The following PRKCZ variants were observed in gnomAD, a reference collection of about 807,000 sequenced individuals.
PRKCZ encodes the protein protein kinase C zeta type.
Under a neutral mutation model 79.5 loss-of-function variants are expected in PRKCZ, and 33 were observed. The ratio of observed to expected loss-of-function variants is 0.41; its 90% confidence interval spans 0.31 to 0.55. The LOEUF (loss-of-function observed/expected upper bound fraction) is 0.55, where lower values mean the gene tolerates loss of function less well. PRKCZ is among the 20% of genes least tolerant of loss of function. The pLI is 0.19. For synonymous variants in PRKCZ, 342 were observed against 320.9 expected, an observed-to-expected ratio of 1.07 and a Z score of -0.70; for missense variants, 578 against 813.5, an observed-to-expected ratio of 0.71 and a Z score of 3.52.
chr1:2,104,721 ATCGC>A (rs1398575726), intron 4 of PRKCZ: 1 of 985,648 alleles, frequency 1.0e-6, no homozygotes, highest in Non-Finnish European at 1.2e-6. Context: ...TGGTCAGAAC[ATCGC>A]TCGGTGCCAG....
chr1:2,094,299 C>T lies in PRKCZ; in HGVS notation c.334+34708C>T, dbSNP rs1416462737. Among the ~76,000 whole-genome samples the T allele has an allele frequency of 1.3e-5, 2 of 152,224 alleles. No individual in the cohort carries two copies. Among genetic ancestry groups the T allele is most frequent in the African/African-American group, 4.8e-5 (2 of 41,438 alleles). ...CTCCCGGCCTGAACTCTTCTCCTAC[C>T]ATGATGGTGCCTGGGATGCTGTGTG... On this transcript the variant is annotated intron_variant, in intron 4 of 17. Transcript: ENST00000378567. The surrounding 1 kb of genome is among the most constrained non-coding windows in gnomAD (Gnocchi z 7.3).
chr1:2,109,346 A>G (rs6674878), intron 4 of PRKCZ, among the ~76,000 whole-genome samples: 122,690 of 151,898 alleles, frequency 0.81, 50,931 homozygotes, highest in Admixed American at 0.89. Flanking sequence ...GTCGGGGGGC[A>G]CCTGGGAGCC....
chr1:2,102,880 C>T (rs561403226), intron 4 of PRKCZ, among the ~76,000 whole-genome samples: 10 of 151,984 alleles, frequency 6.6e-5, no homozygotes, highest in Non-Finnish European at 1.0e-4. Flanking sequence ...CCCCTCCCCC[C>T]GTCTGTCTCT....
intron 4 of PRKCZ, chr1:2,074,322 C>T (rs754233069): frequency 2.1e-4 from 332 of 1,548,074 alleles, no homozygotes; most frequent in Middle Eastern, 7.1e-4. Context: ...CTGTGGAGGG[C>T]TGGGGGCCGG....
chr1:2,089,243 A>G (rs963322562), intron 4 of PRKCZ, among the ~76,000 whole-genome samples: 2 of 152,002 alleles, frequency 1.3e-5, no homozygotes, highest in African/African-American at 4.8e-5. Flanking sequence ...ATGAGGAAGG[A>G]CCCAGAGGTC....
At chr1:2,106,527 G>A (rs7365830) in intron 4 of PRKCZ, among the ~76,000 whole-genome samples, 3,968 of 33,470 alleles carry the variant, frequency 0.12, 755 homozygotes, top group African/African-American at 0.21. Flanking sequence ...AAGCCCCTCT[G>A]GTGGGCGAGG....
chr1:2,095,870 TTCCTTTCCCCTCCCC>T (rs1205149096), intron 4 of PRKCZ, among the ~76,000 whole-genome samples: 8 of 50,332 alleles, frequency 1.6e-4, no homozygotes, highest in South Asian at 1.1e-3. Flanking sequence ...CTCCCTTCTT[TTCCTTTCCCCTCCCC>T]TCCTTTCCCC....
intron 5 of PRKCZ, chr1:2,142,969 C>G (rs927030848): frequency 2.0e-5 from 3 of 152,226 alleles, no homozygotes; most frequent in Non-Finnish European, 2.9e-5. Flanking sequence ...CTCTTCAGTC[C>G]CGTTTCCTCA....
At chr1:2,175,542 C>A (rs1464174347) in intron 16 of PRKCZ, among the ~76,000 whole-genome samples, 1 of 146,056 alleles carries the variant, frequency 6.8e-6, no homozygotes, top group African/African-American at 2.5e-5. Flanking sequence ...CCAATATCCA[C>A]CCAACCCCAC....
Position 2,184,576 on chromosome 1 carries a change from T to A in PRKCZ, c.1576-7T>A. The A allele has an allele frequency of 6.2e-7, 1 of 1,612,636 alleles. No homozygotes were observed. Among genetic ancestry groups the A allele is most frequent in the Non-Finnish European group, 8.5e-7 (1 of 1,179,124 alleles). ...GGAGCTGACCCTTCTCCTATTGTTTTTCCAAGCTGGAGAAGAAGCAGGCGC... is the reference window on the plus strand; with the variant it reads ...GGAGCTGACCCTTCTCCTATTGTTTATCCAAGCTGGAGAAGAAGCAGGCGC... On this transcript the variant is annotated splice_region_variant and splice_polypyrimidine_tract_variant and intron_variant, in intron 16 of 17. Transcript: ENST00000378567.
chr1:2,064,501 G>A (rs1660961596), intron 4 of PRKCZ, among the ~76,000 whole-genome samples: 1 of 152,110 alleles, frequency 6.6e-6, no homozygotes, highest in Admixed American at 6.5e-5. Flanking sequence ...ATAATTTTAG[G>A]TTTTATGTTT....
At chr1:2,090,379 C>A (rs558986385) in intron 4 of PRKCZ, among the ~76,000 whole-genome samples, 1 of 152,086 alleles carries the variant, frequency 6.6e-6, no homozygotes. Context: ...TCAGGGAGCA[C>A]CTGTTCAGAG....
At chr1:2,133,496 C>T (rs1207852952) in intron 4 of PRKCZ, 1 of 149,316 alleles carries the variant, frequency 6.7e-6, no homozygotes, top group Admixed American at 6.7e-5. Flanking sequence ...GGTTCCACCC[C>T]CCTCCCCAGC....
At chr1:2,105,010 C>A in intron 4 of PRKCZ, 1 of 777,984 alleles carries the variant, frequency 1.3e-6, no homozygotes, top group Non-Finnish European at 1.6e-6. Flanking sequence ...TGATCTGTGA[C>A]AGCTCCCCTG....
rs111879109 is a variant in PRKCZ at position 2,172,906 on chromosome 1, C to T, written c.1285+518C>T. ...TGTGTGAAACGGGGACGTGGGCACG[C>T]GTGTGCAGCCGTGTGTGCGTGTGTG... On this transcript the variant is annotated intron_variant, in intron 13 of 17. Coordinates refer to ENST00000378567, the MANE Select transcript of PRKCZ (RefSeq NM_002744.6). The surrounding 1 kb of genome is among the most constrained non-coding windows in gnomAD (Gnocchi z 7.8). 4.0e-5 allele frequency among the ~76,000 whole-genome samples: 6 copies of T among 151,620 alleles called. No individual in the cohort carries two copies. The highest frequency in any genetic ancestry group is 7.3e-5 in the African/African-American group (3 of 41,270).
At chr1:2,144,398 C>T (rs1678055848) in intron 6 of PRKCZ, 57 bp downstream of exon 6, 11 of 1,536,342 alleles carry the variant, frequency 7.2e-6, no homozygotes, top group Non-Finnish European at 8.8e-6. Context: ...GGCGTGGCAG[C>T]CAGCCCATTG....
rs1403387520 is a variant in PRKCZ, at chr1:2,050,578, C to T, written c.-53C>T. On this transcript the variant is annotated 5_prime_UTR_variant, in exon 1 of 18. Transcript: ENST00000378567. ...CCCCACCTGGAGCCCCCGCCCCGCGCCATGGCCGGAGCTCCCGGGGCGCAG... is the reference window on the plus strand; with the variant it reads ...CCCCACCTGGAGCCCCCGCCCCGCGTCATGGCCGGAGCTCCCGGGGCGCAG... 9 of 1,140,798 alleles carry T rather than the reference C, an allele frequency of 7.9e-6. No individual in the cohort carries two copies. In the African/African-American group the frequency reaches 1.3e-4, roughly 16 times the overall value. 70.7% of individuals were successfully genotyped at this position (1,140,798 alleles called of 1,614,324 possible). A position where few individuals can be genotyped will look rare whatever the true frequency, so the allele number is the denominator to read the frequency against.
chr1:2,074,637 T>C (rs1224870427), intron 4 of PRKCZ: 1 of 396,926 alleles, frequency 2.5e-6, no homozygotes, highest in Non-Finnish European at 4.6e-6. Context: ...CCGTTTTGCA[T>C]TGACAGTGTT....
At chr1:2,072,959 T>A (rs1661740430) in intron 4 of PRKCZ, among the ~76,000 whole-genome samples, 1 of 151,996 alleles carries the variant, frequency 6.6e-6, no homozygotes, top group Admixed American at 6.5e-5. Context: ...ACCCCCCATG[T>A]TTTTTATGAT....
Sources: gnomAD v4.1 joint callset for allele counts (sites outside exome capture counted in the v4.1 genomes callset) on GRCh38, gnomAD v4.1.1 for gene constraint, Gnocchi (gnomAD v3.1) non-coding constraint, MANE v1.5 for transcripts, NCBI Gene and HGNC (gene_info 2026-07-23, HGNC 2026-07-21) for gene names.